Variants in TRAPPC9 observed in about 807,000 individuals in gnomAD.
TRAPPC9 encodes the protein trafficking protein particle complex subunit 9.
Under a neutral mutation model 124.0 loss-of-function variants are expected in TRAPPC9, and 83 were observed. The ratio of observed to expected loss-of-function variants is 0.67; its 90% CI spans 0.56 to 0.80. The LOEUF is 0.80. TRAPPC9 is among the 30% of genes least tolerant of loss of function. TRAPPC9 has a pLI of 0.00. For synonymous variants in TRAPPC9, 638 were observed against 617.5 expected, an observed-to-expected ratio of 1.03 and a Z score of -0.49; for missense variants, 1,302 against 1,508.3, an observed-to-expected ratio of 0.86 and a Z score of 2.27.
intron 7 of TRAPPC9, among the ~76,000 whole-genome samples, chr8:140,376,017 C>T (rs1387213312): frequency 6.6e-6 from 1 of 152,130 alleles, no homozygotes; most frequent in African/African-American, 2.4e-5. Context: ...ACAAACTTTC[C>T]ATATATGTCT....
At chr8:139,953,025 C>T (rs796773121) in intron 19 of TRAPPC9, among the ~76,000 whole-genome samples, 33 of 152,292 alleles carry the variant, frequency 2.2e-4, no homozygotes, top group African/African-American at 7.7e-4. Context: ...AAACTGCCTG[C>T]CACAGGAAGT....
At chr8:140,050,848 G>A (rs980141742) in intron 17 of TRAPPC9, among the ~76,000 whole-genome samples, 1 of 152,142 alleles carries the variant, frequency 6.6e-6, no homozygotes, top group African/African-American at 2.4e-5. Flanking sequence ...ACACACTGGG[G>A]GGCCACACAG....
At chr8:140,135,374 T>C (rs572536274) in intron 17 of TRAPPC9, among the ~76,000 whole-genome samples, 3 of 152,270 alleles carry the variant, frequency 2.0e-5, no homozygotes, top group South Asian at 2.1e-4. Context: ...TTAGTCACAA[T>C]AGCCAAAAGG....
rs55688861 is a variant in TRAPPC9, at chr8:140,196,049, T to C, written c.2556+25410A>G. ...CTCACACCTGTGACACTAAAACACATTGAACAATTCACATACAGACCACAC... is the reference window on the plus strand; with the variant it reads ...CTCACACCTGTGACACTAAAACACACTGAACAATTCACATACAGACCACAC... On this transcript the variant is annotated intron_variant, in intron 17 of 22. Coordinates refer to ENST00000438773, the MANE Select transcript of TRAPPC9 (RefSeq NM_001160372.4). Among the ~76,000 whole-genome samples the C allele has an allele frequency of 6.5e-4, 65 of 99,724 alleles. 3 individuals carry two copies. The highest frequency in any genetic ancestry group is 1.9e-3 in the Admixed American group (17 of 9,130). The allele number at this position is 99,724 out of a possible 152,430, so 65.4% of individuals were successfully genotyped here.
At chr8:140,441,773 C>T (rs2071024884) in intron 2 of TRAPPC9, among the ~76,000 whole-genome samples, 1 of 152,192 alleles carries the variant, frequency 6.6e-6, no homozygotes, top group African/African-American at 2.4e-5. Context: ...CCATGTTGCC[C>T]AGGCTGGTCT....
intron 9 of TRAPPC9, among the ~76,000 whole-genome samples, chr8:140,349,149 G>C: frequency 8.0e-6 from 1 of 125,514 alleles, no homozygotes; most frequent in Non-Finnish European, 1.7e-5. Context: ...GGCACACAGC[G>C]GGGGCCGATG....
intron 15 of TRAPPC9, among the ~76,000 whole-genome samples, chr8:140,272,461 G>C (rs116558970): frequency 0.031 from 4,738 of 151,758 alleles, 127 homozygotes; most frequent in African/African-American, 0.065. Context: ...TGATGGCAGT[G>C]GTAGTGATGG....
At chr8:140,056,043 T>C (rs926484264) in intron 17 of TRAPPC9, among the ~76,000 whole-genome samples, 1 of 152,072 alleles carries the variant, frequency 6.6e-6, no homozygotes. Context: ...CAAAACCATC[T>C]TGAAAAACCA....
chr8:139,857,814 G>T (rs1276160823), intron 21 of TRAPPC9, among the ~76,000 whole-genome samples: 1 of 152,248 alleles, frequency 6.6e-6, no homozygotes, highest in African/African-American at 2.4e-5. Context: ...CCCAAAAAAG[G>T]TGCAATGGAC....
intron 15 of TRAPPC9, among the ~76,000 whole-genome samples, chr8:140,273,096 T>A (rs2065009160): frequency 6.6e-6 from 1 of 152,146 alleles, no homozygotes; most frequent in Non-Finnish European, 1.5e-5. Flanking sequence ...GGCCAGACAG[T>A]GCCCTCCCCA....
rs140298668 is a variant in TRAPPC9, at chr8:140,365,832, T to G, written c.1351+5132A>C. 5.4e-4 allele frequency among the ~76,000 whole-genome samples: 82 copies of G among 152,356 alleles called. No homozygotes were observed. In the East Asian group the frequency reaches 0.015, roughly 28 times the overall value. On this transcript the variant is annotated intron_variant, in intron 8 of 22. Coordinates refer to ENST00000438773, the MANE Select transcript of TRAPPC9 (RefSeq NM_001160372.4). The stretch of plus-strand genomic sequence containing the variant: ...GTGAAGGTTACACTGGTAAACGTGT[T>G]TCATAGGGGTTTATTGTACAGATTA...
chr8:139,826,002 C>A (rs1461272066), intron 21 of TRAPPC9, among the ~76,000 whole-genome samples: 1 of 152,166 alleles, frequency 6.6e-6, no homozygotes, highest in Non-Finnish European at 1.5e-5. Flanking sequence ...CCCCTGTCCT[C>A]TCCCAGGTGG....
chr8:140,457,701 G>C lies in TRAPPC9; in HGVS notation c.-73C>G, dbSNP rs1326379279. The stretch of plus-strand genomic sequence containing the variant: ...ACCTGGCGGGCAGCGGGGCCGAGCA[G>C]CCTCTGCGGCCACTTCCCAGGCTCT... On this transcript the variant is annotated 5_prime_UTR_variant, in exon 1 of 23. Coordinates refer to ENST00000438773, the MANE Select transcript of TRAPPC9 (RefSeq NM_001160372.4). 1 of 987,942 alleles carries C rather than the reference G, an allele frequency of 1.0e-6. No individual in the cohort carries two copies. The highest frequency in any genetic ancestry group is 1.7e-5 in the African/African-American group (1 of 57,286). 61.2% of individuals were successfully genotyped at this position (987,942 alleles called of 1,614,324 possible). A position where few individuals can be genotyped will look rare whatever the true frequency, so the allele number is the denominator to read the frequency against.
chr8:140,375,645 C>T (rs1052508719), intron 7 of TRAPPC9, among the ~76,000 whole-genome samples: 1 of 152,200 alleles, frequency 6.6e-6, no homozygotes, highest in African/African-American at 2.4e-5. Context: ...ATAATGCAAA[C>T]ACTGAGCATA....
At chr8:140,101,606 A>G (rs1245734650) in intron 17 of TRAPPC9, among the ~76,000 whole-genome samples, 2 of 126,018 alleles carry the variant, frequency 1.6e-5, no homozygotes, top group Non-Finnish European at 3.1e-5. Flanking sequence ...GCAATGGTGC[A>G]ATCTCGGCTC....
At chr8:140,244,955 G>A (rs762673161) in intron 16 of TRAPPC9, among the ~76,000 whole-genome samples, 7 of 151,398 alleles carry the variant, frequency 4.6e-5, no homozygotes, top group East Asian at 1.9e-4. Flanking sequence ...TAAGGTGCAC[G>A]CCACCACACC....
intron 5 of TRAPPC9, among the ~76,000 whole-genome samples, chr8:140,412,750 AAC>A (rs1421585510): frequency 2.0e-5 from 3 of 152,252 alleles, no homozygotes; most frequent in Non-Finnish European, 4.4e-5. Context: ...TTTCAAAATC[AAC>A]AGTTTAAAAA....
intron 3 of TRAPPC9, among the ~76,000 whole-genome samples, chr8:140,437,034 G>A (rs2070837728): frequency 6.6e-6 from 1 of 152,054 alleles, no homozygotes; most frequent in South Asian, 2.1e-4. Context: ...TGCGATCGTG[G>A]CTCACTGCAG....
At chr8:140,234,635 G>A (rs1563869049) in intron 16 of TRAPPC9, among the ~76,000 whole-genome samples, 1 of 152,204 alleles carries the variant, frequency 6.6e-6, no homozygotes, top group Non-Finnish European at 1.5e-5. Flanking sequence ...CAGAAAGAAG[G>A]AAATTGTGTA....
Sources: allele counts gnomAD v4.1 joint callset (sites outside exome capture counted in the v4.1 genomes callset), GRCh38; gene constraint gnomAD v4.1.1; transcripts MANE v1.5; gene names NCBI Gene and HGNC (gene_info 2026-07-23, HGNC 2026-07-21).